Variants in EPSTI1 observed in about 807,000 individuals in gnomAD.
EPSTI1 encodes the protein epithelial-stromal interaction protein 1.
EPSTI1 carries 66 observed loss-of-function variants against 49.9 expected under a neutral mutation model. The ratio of observed to expected loss-of-function variants is 1.32; its 90% CI spans 1.08 to 1.62. The LOEUF is 1.62. Ranked by LOEUF, EPSTI1 falls within the 40% of genes most tolerant of loss-of-function variation. The pLI is 0.00. For missense variants in EPSTI1, 394 were observed against 365.5 expected, an observed-to-expected ratio of 1.08 and a Z score of -0.64; for synonymous variants, 137 against 130.7, an observed-to-expected ratio of 1.05 and a Z score of -0.33.
chr13:42,911,268 CGCGCACGCGCGCACACGTGTGTGA>C (rs1178264542), intron 8 of EPSTI1, among the ~76,000 whole-genome samples: 2,085 of 96,070 alleles, frequency 0.022, 55 homozygotes, highest in African/African-American at 0.063. Flanking sequence ...TGTGTGTGCG[CGCGCACGCGCGCACACGTGTGTGA>C]GTGTGCACAT....
intron 6 of EPSTI1, among the ~76,000 whole-genome samples, chr13:42,953,703 A>T (rs2039172090): frequency 6.6e-6 from 1 of 152,230 alleles, no homozygotes. Flanking sequence ...CAAAGGATCA[A>T]GTCTTCCAAG....
At chr13:42,900,253 C>T (rs2037316326) in intron 9 of EPSTI1, 57 bp downstream of exon 9, 1 of 1,482,154 alleles carries the variant, frequency 6.7e-7, no homozygotes, top group Non-Finnish European at 9.4e-7. Flanking sequence ...AAACACTGTA[C>T]AAACTTTCTA....
At chr13:42,893,336 G>A (rs1411352846) in intron 10 of EPSTI1, among the ~76,000 whole-genome samples, 1 of 152,206 alleles carries the variant, frequency 6.6e-6, no homozygotes, top group Admixed American at 6.5e-5. Flanking sequence ...AGGAGGTGGA[G>A]AAGAAGATAA....
chr13:42,936,328 C>A (rs970973624), intron 6 of EPSTI1, among the ~76,000 whole-genome samples: 3 of 152,184 alleles, frequency 2.0e-5, no homozygotes, highest in Non-Finnish European at 4.4e-5. Context: ...TCAAGAGTTA[C>A]TGATAAATGC....
At position 42,917,549 on chromosome 13, in the gene EPSTI1, GT is replaced by G. The variant is rs2037865878; in HGVS notation, c.732del (p.Gln244HisfsTer10). On this transcript the variant is annotated frameshift_variant, in exon 8 of 11. Coordinates refer to ENST00000313624, the MANE Select transcript of EPSTI1 (RefSeq NM_033255.5). LOFTEE classifies it high-confidence loss of function. ...TAGGGGCTTGTAAGTACCTTTTGAT[GT>G]TGTTCATCCTTCATCTTTTGCAATT... ...NRKLQKMKDE[Q>X]HQKSELLELK... The G allele has an allele frequency of 1.3e-6, 2 of 1,494,290 alleles. No individual in the cohort carries two copies. Among genetic ancestry groups the G allele is most frequent in the African/African-American group, 1.4e-5 (1 of 69,546 alleles). 92.6% of individuals were successfully genotyped at this position (1,494,290 alleles called of 1,614,324 possible). A position where few individuals can be genotyped will look rare whatever the true frequency, so the allele number is the denominator to read the frequency against.
At chr13:42,903,697 C>A (rs1299038698) in intron 8 of EPSTI1, among the ~76,000 whole-genome samples, 1 of 152,044 alleles carries the variant, frequency 6.6e-6, no homozygotes, top group Non-Finnish European at 1.5e-5. Context: ...ATGGACTAGC[C>A]GACTACTGTA....
At chr13:42,928,487 C>G (rs1276003736) in intron 6 of EPSTI1, among the ~76,000 whole-genome samples, 2 of 152,212 alleles carry the variant, frequency 1.3e-5, no homozygotes, top group Non-Finnish European at 1.5e-5. Context: ...TACCGTGACT[C>G]TACTGCCTGT....
At chr13:42,898,282 TAC>T (rs2037253891) in intron 9 of EPSTI1, among the ~76,000 whole-genome samples, 1 of 152,226 alleles carries the variant, frequency 6.6e-6, no homozygotes, top group Non-Finnish European at 1.5e-5. Flanking sequence ...TTACATCCCC[TAC>T]ACACACACTA....
In EPSTI1 at chr13:42,922,920, G is replaced by A. The variant is rs757894636; in HGVS notation, c.657+3416C>T. On this transcript the variant is annotated intron_variant, in intron 7 of 10. Transcript: ENST00000313624. The surrounding 1 kb of genome is among the most constrained non-coding windows in gnomAD (Gnocchi z 4.8). ...GCTCTGATTCAGGAGGTCTGCAGTG[G>A]GGCCTGAGATTGATCTGCATCTAAA... is the stretch of plus-strand genomic sequence containing the variant. Among the ~76,000 whole-genome samples, 3 of 152,220 alleles carry A rather than the reference G, an allele frequency of 2.0e-5. No individual in the cohort carries two copies. The East Asian group carries it at 5.8e-4, about 29-fold the overall frequency.
intron 1 of EPSTI1, among the ~76,000 whole-genome samples, chr13:42,987,420 C>A (rs940697447): frequency 6.6e-6 from 1 of 152,132 alleles, no homozygotes; most frequent in Non-Finnish European, 1.5e-5. Flanking sequence ...AAGGAAAGAT[C>A]TTCCTGCTCC....
Position 42,924,006 on chromosome 13 carries a change from C to A in EPSTI1, c.657+2330G>T, listed in dbSNP as rs551031089. Among the ~76,000 whole-genome samples, 3 of 152,332 alleles carry A rather than the reference C, an allele frequency of 2.0e-5. No homozygotes were observed. The East Asian group carries it at 5.8e-4, about 29-fold the overall frequency. ...ATAGATGGCAATCACATAGTGTTCA[C>A]ATTCTATAAGTTGACCATAGCTAAA... On this transcript the variant is annotated intron_variant, in intron 7 of 10. Transcript: ENST00000313624.
At chr13:42,988,945 G>A (rs1031943700) in intron 1 of EPSTI1, among the ~76,000 whole-genome samples, 5 of 151,820 alleles carry the variant, frequency 3.3e-5, no homozygotes, top group Admixed American at 2.0e-4. Flanking sequence ...CTGTAGTCTT[G>A]GAGCTCCTGA....
chr13:42,964,200 G>A (rs1007724985), intron 3 of EPSTI1, 61 bp from the exon 4 acceptor site: 14 of 1,297,406 alleles, frequency 1.1e-5, no homozygotes, highest in East Asian at 4.8e-5. Context: ...GTCAGCCATC[G>A]AGGACTAATT....
chr13:42,916,998 T>G (rs1435778962), intron 8 of EPSTI1, among the ~76,000 whole-genome samples: 1 of 152,184 alleles, frequency 6.6e-6, no homozygotes, highest in Non-Finnish European at 1.5e-5. Flanking sequence ...TTTAAGCACT[T>G]TTCTTAGAAG....
At chr13:42,907,175 T>G (rs1219819296) in intron 8 of EPSTI1, among the ~76,000 whole-genome samples, 1 of 152,224 alleles carries the variant, frequency 6.6e-6, no homozygotes, top group Non-Finnish European at 1.5e-5. Context: ...ACAACAATCA[T>G]GGAATCACAG....
At chr13:42,949,952 T>G (rs2039046260) in intron 6 of EPSTI1, among the ~76,000 whole-genome samples, 1 of 152,182 alleles carries the variant, frequency 6.6e-6, no homozygotes, top group Non-Finnish European at 1.5e-5. Context: ...CCTATCATTG[T>G]TTTTTAAAAA....
intron 6 of EPSTI1, among the ~76,000 whole-genome samples, chr13:42,931,191 C>CTT (rs57488808): frequency 2.4e-4 from 19 of 77,622 alleles, no homozygotes; most frequent in African/African-American, 9.3e-4. Context: ...TTGCCTACAG[C>CTT]TTTTTTTTTT....
chr13:42,954,660 C>T (rs1333058518), intron 5 of EPSTI1, among the ~76,000 whole-genome samples: 1 of 152,142 alleles, frequency 6.6e-6, no homozygotes, highest in Non-Finnish European at 1.5e-5. Flanking sequence ...ATATTTTAAT[C>T]CAATTTAAAT....
intron 1 of EPSTI1, among the ~76,000 whole-genome samples, chr13:42,985,499 C>T (rs192838231): frequency 1.4e-4 from 22 of 152,276 alleles, no homozygotes; most frequent in African/African-American, 4.1e-4. Context: ...CCCAGCTCCA[C>T]GTGTTTGACA....
Sources: allele counts gnomAD v4.1 joint callset (sites outside exome capture counted in the v4.1 genomes callset), GRCh38; gene constraint gnomAD v4.1.1; non-coding constraint Gnocchi (gnomAD v3.1); transcripts MANE v1.5; gene names NCBI Gene and HGNC (gene_info 2026-07-23, HGNC 2026-07-21).